Variants in NTSR1 observed in about 807,000 individuals in gnomAD.
NTSR1 encodes the protein neurotensin receptor type 1.
Under a neutral mutation model 31.2 loss-of-function variants are expected in NTSR1, and 29 were observed. That is an observed-to-expected ratio of 0.93 (90% CI 0.69 to 1.27). The LOEUF is 1.27. Ranked by LOEUF, NTSR1 falls within the 50% of genes most tolerant of loss-of-function variation. The pLI is 0.00. For missense variants in NTSR1, 697 were observed against 595.4 expected (o/e 1.17, Z -1.78); for synonymous variants, 282 against 269.9 (o/e 1.04, Z -0.44).
At chr20:62,723,589 T>C (rs1568698752) in intron 1 of NTSR1, among the ~76,000 whole-genome samples, 1 of 152,192 alleles carries the variant, frequency 6.6e-6, no homozygotes, top group African/African-American at 2.4e-5. Flanking sequence ...GCTGACCCCA[T>C]GGTGGAGGAC....
chr20:62,723,376 C>T (rs1424078337), intron 1 of NTSR1, among the ~76,000 whole-genome samples: 1 of 152,176 alleles, frequency 6.6e-6, no homozygotes, highest in African/African-American at 2.4e-5. Flanking sequence ...CAGGGAGGGA[C>T]CGCAAGTGTG....
At chr20:62,748,427 A>T (rs191765117) in intron 1 of NTSR1, among the ~76,000 whole-genome samples, 1 of 152,240 alleles carries the variant, frequency 6.6e-6, no homozygotes, top group Non-Finnish European at 1.5e-5. Context: ...TAGAAAAAAA[A>T]ATCCTAGGAT....
intron 1 of NTSR1, among the ~76,000 whole-genome samples, chr20:62,730,349 G>T (rs192491520): frequency 6.6e-6 from 1 of 152,284 alleles, no homozygotes; most frequent in African/African-American, 2.4e-5. Context: ...GGATTATACC[G>T]TATGCAGCCT....
chr20:62,739,008 C>T (rs76701609), intron 1 of NTSR1, among the ~76,000 whole-genome samples: 286 of 152,314 alleles, frequency 1.9e-3, no homozygotes, highest in African/African-American at 6.6e-3. Flanking sequence ...TTTACACACG[C>T]GTGTTTTCAT....
intron 1 of NTSR1, among the ~76,000 whole-genome samples, chr20:62,716,693 G>A (rs528896629): frequency 7.5e-5 from 11 of 147,538 alleles, no homozygotes; most frequent in African/African-American, 2.1e-4. Context: ...TCCCTCCTGT[G>A]GGCCTGTGTG....
At position 62,715,997 on chromosome 20, in the gene NTSR1, G is replaced by A. The variant is rs1600718356; in HGVS notation, c.714+6076G>A. Among the ~76,000 whole-genome samples the A allele has an allele frequency of 6.6e-6, 1 of 152,362 alleles. No homozygotes were observed. On this transcript the variant is annotated intron_variant, in intron 1 of 3. Transcript: ENST00000370501. This position sits in a 1 kb window ranked among gnomAD's most constrained non-coding sequence, Gnocchi z 4.7. ...ATCTCACGTGGTGATCTAGTAGTTT[G>A]TATTAAGAGAAGAAAGAAGCTTTTC...
At chr20:62,727,903 C>T (rs115443703) in intron 1 of NTSR1, among the ~76,000 whole-genome samples, 58 of 152,360 alleles carry the variant, frequency 3.8e-4, no homozygotes, top group African/African-American at 1.3e-3. Flanking sequence ...TCCCGGCGCT[C>T]CCGGCGTGGG....
intron 1 of NTSR1, chr20:62,735,277 CTG>C (rs1397927266): frequency 1.3e-5 from 2 of 152,214 alleles, no homozygotes; most frequent in African/African-American, 2.4e-5. Context: ...CAGGAGGACA[CTG>C]TGCTGGAAGG....
intron 1 of NTSR1, among the ~76,000 whole-genome samples, chr20:62,725,038 G>T (rs979572582): frequency 6.6e-6 from 1 of 152,190 alleles, no homozygotes; most frequent in Non-Finnish European, 1.5e-5. Flanking sequence ...TCTTTTCGGG[G>T]CTACCAATTA....
At position 62,710,038 on chromosome 20, in the gene NTSR1, G is replaced by A. The variant is rs148798724; in HGVS notation, c.714+117G>A. The A allele has an allele frequency of 4.2e-6, 4 of 947,516 alleles. No homozygotes were observed. The African/African-American group carries it at 5.0e-5, about 12-fold the overall frequency. The allele number at this position is 947,516 out of a possible 1,614,324, so 58.7% of individuals were successfully genotyped here. On this transcript the variant is annotated intron_variant, in intron 1 of 3. Transcript: ENST00000370501. ...TGTCACAGAGACAGTCTACTCCTGC[G>A]AGGCTGGGAAGGCGGTTGGGGCAGC...
At chr20:62,729,038 C>T (rs1988958782) in intron 1 of NTSR1, among the ~76,000 whole-genome samples, 1 of 152,244 alleles carries the variant, frequency 6.6e-6, no homozygotes, top group Non-Finnish European at 1.5e-5. Flanking sequence ...ATGTCCAGTC[C>T]TCGGTCTGTG....
At chr20:62,736,621 C>T (rs574928951) in intron 1 of NTSR1, among the ~76,000 whole-genome samples, 39 of 152,314 alleles carry the variant, frequency 2.6e-4, no homozygotes, top group African/African-American at 8.4e-4. Flanking sequence ...GAGGCCCTGG[C>T]CTGTGGCTCC....
Position 62,736,864 on chromosome 20 carries a change from C to T in NTSR1, c.715-17821C>T, listed in dbSNP as rs79614566. 2.5e-3 allele frequency among the ~76,000 whole-genome samples: 387 copies of T among 152,308 alleles called. 3 individuals carry two copies. The East Asian group carries it at 0.029, about 11-fold the overall frequency. ...GGGGGAGGTGACTGGATCGTGGGGG[C>T]GGTTCCCCCAGGCAGTTCTTGTGAG... On this transcript the variant is annotated intron_variant, in intron 1 of 3. Coordinates refer to ENST00000370501, the MANE Select transcript of NTSR1 (RefSeq NM_002531.3).
chr20:62,741,590 T>C lies in NTSR1; in HGVS notation c.715-13095T>C, dbSNP rs867104213. On this transcript the variant is annotated intron_variant, in intron 1 of 3. Transcript: ENST00000370501. This position sits in a 1 kb window ranked among gnomAD's most constrained non-coding sequence, Gnocchi z 4.3. ...CATGCCTGGGCATTGTCCATGGTACTGAACCCCTGAGGCTCCCTGGGGCTC... is the reference window on the plus strand; with the variant it reads ...CATGCCTGGGCATTGTCCATGGTACCGAACCCCTGAGGCTCCCTGGGGCTC... 4.7e-5 allele frequency among the ~76,000 whole-genome samples: 7 copies of C among 149,744 alleles called. No individual in the cohort carries two copies. Among genetic ancestry groups the C allele is most frequent in the Middle Eastern group, 3.4e-3 (1 of 294 alleles).
rs575688236 is a variant in NTSR1, at chr20:62,754,216, A to G, written c.715-469A>G. ...CTATTAGTGTGAGCTGTCAGGACCT[A>G]GGAGAACTGTCTGCACACAGCTACA... On this transcript the variant is annotated intron_variant, in intron 1 of 3. Coordinates refer to ENST00000370501, the MANE Select transcript of NTSR1 (RefSeq NM_002531.3). 9.0e-4 allele frequency among the ~76,000 whole-genome samples: 137 copies of G among 152,296 alleles called. 1 individual carries two copies. Among genetic ancestry groups the G allele is most frequent in the African/African-American group, 3.1e-3 (127 of 41,562 alleles).
intron 1 of NTSR1, among the ~76,000 whole-genome samples, chr20:62,734,573 A>G (rs1989053868): frequency 6.6e-6 from 1 of 152,152 alleles, no homozygotes; most frequent in African/African-American, 2.4e-5. Context: ...GGGAGCGAGG[A>G]GCAGGCGCTG....
At chr20:62,756,320 GC>G (rs1989512581) in intron 2 of NTSR1, among the ~76,000 whole-genome samples, 1 of 152,232 alleles carries the variant, frequency 6.6e-6, no homozygotes, top group South Asian at 2.1e-4. Context: ...TGGAGCAAAG[GC>G]CCTGTGGTGG....
At chr20:62,752,857 CAGAAGG>C (rs944948260) in intron 1 of NTSR1, among the ~76,000 whole-genome samples, 1 of 152,066 alleles carries the variant, frequency 6.6e-6, no homozygotes, top group Non-Finnish European at 1.5e-5. Context: ...TGTTGTCCTG[CAGAAGG>C]TGGACTTCGG....
chr20:62,727,763 G>A (rs990303463), intron 1 of NTSR1, among the ~76,000 whole-genome samples: 48 of 152,380 alleles, frequency 3.2e-4, no homozygotes, highest in East Asian at 1.7e-3. Flanking sequence ...AAATGGCCCC[G>A]GCCTCAGAAC....
Sources: gnomAD v4.1 joint callset for allele counts (sites outside exome capture counted in the v4.1 genomes callset) on GRCh38, gnomAD v4.1.1 for gene constraint, Gnocchi (gnomAD v3.1) non-coding constraint, MANE v1.5 for transcripts, NCBI Gene and HGNC (gene_info 2026-07-23, HGNC 2026-07-21) for gene names.